PTPRD: variants seen among roughly 807,000 people sequenced by gnomAD.
PTPRD encodes the protein receptor-type tyrosine-protein phosphatase delta.
A neutral mutation model predicts 214.5 loss-of-function variants in PTPRD; 34 were observed. The ratio of observed to expected loss-of-function variants is 0.16; its 90% CI spans 0.12 to 0.21. The LOEUF (loss-of-function observed/expected upper bound fraction) is 0.21, where lower values mean the gene tolerates loss of function less well. PTPRD is among the 10% of genes least tolerant of loss of function. PTPRD has a pLI of 1.00. For synonymous variants in PTPRD, 1,128 were observed against 845.7 expected (o/e 1.33, Z -5.79); for missense variants, 2,545 against 2,398.7 (o/e 1.06, Z -1.27).
At chr9:8,505,358 C>G (rs2097521506) in intron 22 of PTPRD, among the ~76,000 whole-genome samples, 1 of 152,094 alleles carries the variant, frequency 6.6e-6, no homozygotes, top group Non-Finnish European at 1.5e-5. Context: ...CACGGTGGCT[C>G]ACGCCTGTAA....
At chr9:8,765,042 G>C (rs914907272) in intron 11 of PTPRD, among the ~76,000 whole-genome samples, 2 of 152,056 alleles carry the variant, frequency 1.3e-5, no homozygotes, top group Non-Finnish European at 2.9e-5. Context: ...TCAGTTGTGT[G>C]ATTATGATAA....
intron 3 of PTPRD, among the ~76,000 whole-genome samples, chr9:10,195,364 C>T (rs1346448917): frequency 6.6e-6 from 1 of 152,014 alleles, no homozygotes; most frequent in Non-Finnish European, 1.5e-5. Context: ...TTGTTAGAGA[C>T]CCCAATTTTA....
At position 9,725,081 on chromosome 9, in the gene PTPRD, G is replaced by C. The variant is rs148999600; in HGVS notation, c.-287+9452C>G. Reference sequence around the variant, plus strand: ...AGAGCTGGTAAAATATCTGGGGTAGGTTAGTCAGAGTGTCCTTAACACATC... The same window carrying C: ...AGAGCTGGTAAAATATCTGGGGTAGCTTAGTCAGAGTGTCCTTAACACATC... On this transcript the variant is annotated intron_variant, in intron 7 of 45. Coordinates refer to ENST00000381196, the MANE Select transcript of PTPRD (RefSeq NM_002839.4). Among the ~76,000 whole-genome samples, 251 of 152,228 alleles carry C rather than the reference G, an allele frequency of 1.6e-3. 1 individual carries two copies. The highest frequency in any genetic ancestry group is 5.7e-3 in the African/African-American group (235 of 41,552).
intron 37 of PTPRD, among the ~76,000 whole-genome samples, chr9:8,378,994 GA>G (rs973666787): frequency 6.6e-6 from 1 of 151,446 alleles, no homozygotes; most frequent in Admixed American, 6.6e-5. Flanking sequence ...GACCCCTTTA[GA>G]AAAAAAATAC....
chr9:9,272,400 TA>T (rs1305314313), intron 9 of PTPRD, among the ~76,000 whole-genome samples: 1 of 151,324 alleles, frequency 6.6e-6, no homozygotes, highest in African/African-American at 2.4e-5. Context: ...TTGAAACTAC[TA>T]TTTAACTACA....
chr9:8,767,571 T>C (rs891539683), intron 11 of PTPRD, among the ~76,000 whole-genome samples: 4 of 152,170 alleles, frequency 2.6e-5, no homozygotes, highest in Non-Finnish European at 2.9e-5. Context: ...GGGTGCACCA[T>C]ACGTTGAGTC....
At chr9:9,412,967 C>T (rs2075910702) in intron 8 of PTPRD, among the ~76,000 whole-genome samples, 1 of 152,094 alleles carries the variant, frequency 6.6e-6, no homozygotes. Context: ...GGCAGTGGAA[C>T]TTAGCAGTCC....
chr9:9,873,540 C>A (rs926572421), intron 5 of PTPRD, among the ~76,000 whole-genome samples: 3 of 151,896 alleles, frequency 2.0e-5, no homozygotes, highest in African/African-American at 7.3e-5. Flanking sequence ...ACCACAGAGT[C>A]CAAGGAGGAG....
chr9:8,807,786 G>T (rs1344564152), intron 11 of PTPRD, among the ~76,000 whole-genome samples: 1 of 152,022 alleles, frequency 6.6e-6, no homozygotes, highest in Non-Finnish European at 1.5e-5. Context: ...CCTGAAATTT[G>T]TTTCATATCC....
At chr9:9,215,995 G>A (rs775414459) in intron 9 of PTPRD, among the ~76,000 whole-genome samples, 3 of 152,112 alleles carry the variant, frequency 2.0e-5, no homozygotes, top group African/African-American at 7.2e-5. Flanking sequence ...AGTGTCACCT[G>A]TATAAACATT....
intron 35 of PTPRD, among the ~76,000 whole-genome samples, chr9:8,431,091 A>G (rs2132167301): frequency 6.6e-6 from 1 of 152,258 alleles, no homozygotes; most frequent in Admixed American, 6.5e-5. Flanking sequence ...GCTCTCCCCC[A>G]TCTAAGATCT....
chr9:10,122,305 C>T (rs527267581), intron 3 of PTPRD, among the ~76,000 whole-genome samples: 6 of 152,046 alleles, frequency 3.9e-5, no homozygotes, highest in African/African-American at 1.4e-4. Flanking sequence ...AAAACTCCAT[C>T]TCAAAAAAAA....
intron 3 of PTPRD, among the ~76,000 whole-genome samples, chr9:10,169,200 C>G (rs1455069165): frequency 6.6e-6 from 1 of 152,112 alleles, no homozygotes; most frequent in Admixed American, 6.5e-5. Context: ...GCAGGCCGGG[C>G]GCGGTGGCTC....
At chr9:10,042,155 C>T (rs970579763) in intron 3 of PTPRD, among the ~76,000 whole-genome samples, 15 of 151,944 alleles carry the variant, frequency 9.9e-5, no homozygotes, top group African/African-American at 3.1e-4. Flanking sequence ...GCAAATAAGG[C>T]CCTGTAGGCA....
Position 10,550,320 on chromosome 9 carries a change from T to G in PTPRD, c.-600+62078A>C, listed in dbSNP as rs1486997294. Among the ~76,000 whole-genome samples the G allele has an allele frequency of 2.6e-5, 4 of 152,348 alleles. No individual in the cohort carries two copies. The East Asian group carries it at 7.7e-4, about 29-fold the overall frequency. On this transcript the variant is annotated intron_variant, in intron 2 of 45. Coordinates refer to ENST00000381196, the MANE Select transcript of PTPRD (RefSeq NM_002839.4). The stretch of plus-strand genomic sequence containing the variant: ...GATTCAGAGGATACATGTACAGGTT[T>G]GCTACATGGGTATTTTGCGTGATGC...
chr9:10,010,588 G>C (rs1390031709), intron 4 of PTPRD, among the ~76,000 whole-genome samples: 3 of 151,750 alleles, frequency 2.0e-5, no homozygotes, highest in African/African-American at 7.3e-5. Flanking sequence ...ACAGCACTCA[G>C]GCAAGTTGTA....
intron 3 of PTPRD, among the ~76,000 whole-genome samples, chr9:10,166,839 T>G (rs2099162062): frequency 6.6e-6 from 1 of 152,134 alleles, no homozygotes; most frequent in African/African-American, 2.4e-5. Context: ...TCTGAAATAT[T>G]TTGGTAGTTT....
chr9:8,315,640 ATTTTCTTTT>A lies in PTPRD; in HGVS notation c.*2225_*2233del, dbSNP rs1457284710. On this transcript the variant is annotated 3_prime_UTR_variant, in exon 46 of 46. Coordinates refer to ENST00000381196, the MANE Select transcript of PTPRD (RefSeq NM_002839.4). ...GATACTTTTTTTTAGTATTATATAT[ATTTTCTTTT>A]TTTTCTTTTTCTTTGTTTTTTACAA... 1.8e-5 allele frequency: 4 copies of A among 227,686 alleles called. No individual in the cohort carries two copies. Among genetic ancestry groups the A allele is most frequent in the African/African-American group, 6.7e-5 (3 of 44,932 alleles). 14.1% of individuals were successfully genotyped at this position (227,686 alleles called of 1,614,324 possible).
At chr9:9,240,778 T>C (rs1016552391) in intron 9 of PTPRD, among the ~76,000 whole-genome samples, 2 of 152,188 alleles carry the variant, frequency 1.3e-5, no homozygotes, top group South Asian at 2.1e-4. Context: ...ATAATTTTGG[T>C]TATTACATTA....
Sources: allele counts gnomAD v4.1 joint callset (sites outside exome capture counted in the v4.1 genomes callset), GRCh38; gene constraint gnomAD v4.1.1; transcripts MANE v1.5; gene names NCBI Gene and HGNC (gene_info 2026-07-23, HGNC 2026-07-21).